Variants in TAS2R1 observed in about 807,000 individuals in gnomAD.
The protein encoded by TAS2R1 is taste 2 receptor member 1, also known as taste receptor type 2 member 1.
For missense variants in TAS2R1, 370 were observed against 353.4 expected, an observed-to-expected ratio of 1.05 and a Z score of -0.38; for synonymous variants, 141 against 134.2, an observed-to-expected ratio of 1.05 and a Z score of -0.35.
At chr5:9,632,812 C>T (rs1387195282), upstream of TAS2R1, among the ~76,000 whole-genome samples, 2 of 152,134 alleles carry the variant, frequency 1.3e-5, no homozygotes, top group African/African-American at 4.8e-5. Context: ...ATTTCCTCCA[C>T]TGAGGTCTTG....
At chr5:9,810,814 C>T in the TAS2R1 span, among the ~76,000 whole-genome samples, 1 of 152,166 alleles carries the variant, frequency 6.6e-6, no homozygotes, top group African/African-American at 2.4e-5. Context: ...CCTTGCCTGA[C>T]AATCACCCAG....
intron 1 of TAS2R1, among the ~76,000 whole-genome samples, chr5:9,705,440 TTCAGTTC>T (rs1448137265): frequency 6.6e-6 from 1 of 152,216 alleles, no homozygotes; most frequent in Admixed American, 6.5e-5. Context: ...AAAATTAAAA[TTCAGTTC>T]TGATTGACTG....
rs373677665 is a variant in TAS2R1, at chr5:9,678,245, CA to C, written c.-241-18665del. Among the ~76,000 whole-genome samples, 7 of 152,182 alleles carry C rather than the reference CA, an allele frequency of 4.6e-5. 2 individuals are homozygous for C. Among genetic ancestry groups the C allele is most frequent in the African/African-American group, 1.7e-4 (7 of 41,524 alleles). On this transcript the variant is annotated intron_variant, in intron 1 of 2. Coordinates refer to the TAS2R1 transcript ENST00000506620. Reference sequence around the variant, plus strand: ...ACCACAGTGAGATACTATCTCATGCCAATCAGAATGGTGGTGATTAAAAAGT... The same window carrying C: ...ACCACAGTGAGATACTATCTCATGCCATCAGAATGGTGGTGATTAAAAAGT...
At chr5:9,873,498 C>A in the TAS2R1 span, among the ~76,000 whole-genome samples, 1 of 150,490 alleles carries the variant, frequency 6.6e-6, no homozygotes, top group African/African-American at 2.5e-5. Context: ...ACCTAATTCA[C>A]AACAGCAACT....
the TAS2R1 span, among the ~76,000 whole-genome samples, chr5:9,810,636 T>C: frequency 6.6e-6 from 1 of 151,990 alleles, no homozygotes; most frequent in Non-Finnish European, 1.5e-5. Flanking sequence ...ATGGAAGCAA[T>C]GGAGAGATTA....
At chr5:9,822,560 A>G in the TAS2R1 span, among the ~76,000 whole-genome samples, 3 of 152,014 alleles carry the variant, frequency 2.0e-5, no homozygotes, top group East Asian at 1.9e-4. Context: ...TGTGTTAGCC[A>G]GGATGCTCTC....
chr5:9,850,384 A>T, the TAS2R1 span, among the ~76,000 whole-genome samples: 1 of 152,234 alleles, frequency 6.6e-6, no homozygotes. Flanking sequence ...AACTATTTCC[A>T]TAATCAAAAA....
At position 9,706,747 on chromosome 5, in the gene TAS2R1, C is replaced by A. The variant is rs74762745; in HGVS notation, c.-242+5425G>T. Among the ~76,000 whole-genome samples, 19 of 152,094 alleles carry A rather than the reference C, an allele frequency of 1.2e-4. 1 individual carries two copies. In the East Asian group the frequency reaches 3.5e-3, roughly 28 times the overall value. On this transcript the variant is annotated intron_variant, in intron 1 of 2. Transcript: ENST00000506620. ...TGCTCAGAACTCATCCCATGCTACCCGACGGAGAGCAGAGAGGAAGGCTTG... is the reference window on the plus strand; with the variant it reads ...TGCTCAGAACTCATCCCATGCTACCAGACGGAGAGCAGAGAGGAAGGCTTG...
At chr5:9,778,432 CT>C in the TAS2R1 span, among the ~76,000 whole-genome samples, 1 of 152,170 alleles carries the variant, frequency 6.6e-6, no homozygotes, top group Non-Finnish European at 1.5e-5. Context: ...GCATTAGCCC[CT>C]AACAAGATAA....
chr5:9,867,605 G>C, the TAS2R1 span, among the ~76,000 whole-genome samples: 1 of 152,122 alleles, frequency 6.6e-6, no homozygotes, highest in Non-Finnish European at 1.5e-5. Context: ...TTCAAGATGA[G>C]ATTTGGGTGG....
At chr5:9,775,529 T>A in the TAS2R1 span, among the ~76,000 whole-genome samples, 1 of 152,106 alleles carries the variant, frequency 6.6e-6, no homozygotes, top group Non-Finnish European at 1.5e-5. Context: ...CAGCTGGAAA[T>A]GTGCTGAGTC....
the TAS2R1 span, among the ~76,000 whole-genome samples, chr5:9,897,318 G>A: frequency 7.7e-4 from 117 of 152,112 alleles, no homozygotes; most frequent in African/African-American, 2.6e-3. Context: ...GCGTGGTGGC[G>A]CATGCCTGTA....
chr5:9,770,702 T>C, the TAS2R1 span, among the ~76,000 whole-genome samples: 1 of 152,238 alleles, frequency 6.6e-6, no homozygotes, highest in Non-Finnish European at 1.5e-5. Context: ...TTTTGGATTG[T>C]TCACTGTTGG....
rs933530598 is a variant in TAS2R1 at position 9,629,196 on chromosome 5, T to G, written c.837A>C (p.Leu279Phe). The change falls in exon 1 of 1, where the codon TTA becomes TTC. Residue 279 changes from leucine to phenylalanine, a missense_variant. Physicochemically the swap from Leu to Phe is conservative, Grantham distance 22 (BLOSUM62 0). Transcript: ENST00000382492. ...YPSGHSLILI[L>F]GNPKLKQNAK... ...CATTTTGTTTCAATTTAGGATTTCC[T>G]AAAATTAAGATGAGAGAGTGTCCAG... 6.3e-7 allele frequency: 1 copy of G among 1,593,706 alleles called. No homozygotes were observed. Among genetic ancestry groups the G allele is most frequent in the Non-Finnish European group, 8.5e-7 (1 of 1,173,390 alleles).
chr5:9,812,363 G>A, the TAS2R1 span, among the ~76,000 whole-genome samples: 3 of 150,964 alleles, frequency 2.0e-5, no homozygotes, highest in Non-Finnish European at 3.0e-5. Context: ...TAGAGAGGTG[G>A]GTAAGAGATG....
At chr5:9,741,785 T>G in the TAS2R1 span, among the ~76,000 whole-genome samples, 1 of 152,138 alleles carries the variant, frequency 6.6e-6, no homozygotes, top group Non-Finnish European at 1.5e-5. Context: ...CTCCTCCCAG[T>G]CCCAGGGTCG....
At chr5:9,871,323 G>A in the TAS2R1 span, among the ~76,000 whole-genome samples, 1 of 152,292 alleles carries the variant, frequency 6.6e-6, no homozygotes, top group East Asian at 1.9e-4. Flanking sequence ...TCCAAGCTTG[G>A]CGAGAAAACA....
chr5:9,728,098 C>T, the TAS2R1 span, among the ~76,000 whole-genome samples: 2,907 of 152,100 alleles, frequency 0.019, 86 homozygotes, highest in African/African-American at 0.063. Flanking sequence ...GTCTCCTCCC[C>T]CTAGATTAAA....
the TAS2R1 span, among the ~76,000 whole-genome samples, chr5:9,749,542 T>G: frequency 6.6e-6 from 1 of 152,224 alleles, no homozygotes; most frequent in Non-Finnish European, 1.5e-5. Flanking sequence ...TATTGGAGAC[T>G]ATAGGTTAGG....
Sources: gnomAD v4.1 joint callset for allele counts (sites outside exome capture counted in the v4.1 genomes callset) on GRCh38, gnomAD v4.1.1 for gene constraint, MANE v1.5 for transcripts, NCBI Gene and HGNC (gene_info 2026-07-23, HGNC 2026-07-21) for gene names.